PPP2R2C: variants seen among roughly 807,000 people sequenced by gnomAD.
PPP2R2C encodes protein phosphatase 2 regulatory subunit Bgamma.
In PPP2R2C, 10 loss-of-function variants were observed where a neutral mutation model predicts 45.3. The ratio of observed to expected loss-of-function variants is 0.22; its 90% CI spans 0.14 to 0.37. The LOEUF is 0.37. PPP2R2C is among the 10% of genes least tolerant of loss of function. The pLI is 1.00. For synonymous variants in PPP2R2C, 257 were observed against 245.4 expected (o/e 1.05, Z -0.44); for missense variants, 308 against 619.7 (o/e 0.50, Z 5.34).
At chr4:6,365,936 T>C (rs1231180807) in intron 5 of PPP2R2C, among the ~76,000 whole-genome samples, 1 of 152,206 alleles carries the variant, frequency 6.6e-6, no homozygotes, top group African/African-American at 2.4e-5. Flanking sequence ...ACCTTTAAGA[T>C]GCATCAGACT....
At chr4:6,370,084 T>G (rs1714674592) in intron 5 of PPP2R2C, among the ~76,000 whole-genome samples, 1 of 152,082 alleles carries the variant, frequency 6.6e-6, no homozygotes, top group South Asian at 2.1e-4. Context: ...CCCACCCAAG[T>G]CCGGCAGGAA....
Position 6,348,006 on chromosome 4 carries a change from G to A in PPP2R2C, c.630C>T (p.Ile210=), listed in dbSNP as rs756692262. ...HLAITDRSFN[I]VDIKPANMED... Reference sequence around the variant, plus strand: ...CCATGTTGGCCGGCTTGATGTCCACGATGTCTGGGGGCAGTGCGGTCAAGG... The same window carrying A: ...CCATGTTGGCCGGCTTGATGTCCACAATGTCTGGGGGCAGTGCGGTCAAGG... The change falls in exon 6 of 9, where the codon ATC becomes ATT. Residue 210 remains isoleucine, a synonymous_variant. Coordinates refer to ENST00000382599, the MANE Select transcript of PPP2R2C (RefSeq NM_020416.4). 3.4e-5 allele frequency: 55 copies of A among 1,613,688 alleles called. No individual in the cohort carries two copies. In the South Asian group the frequency reaches 3.6e-4, roughly 11 times the overall value.
intron 1 of PPP2R2C, among the ~76,000 whole-genome samples, chr4:6,411,371 G>A (rs1018277345): frequency 6.6e-6 from 1 of 152,056 alleles, no homozygotes. Context: ...CTGATGGCGT[G>A]ACGCTCCCAG....
intron 5 of PPP2R2C, among the ~76,000 whole-genome samples, chr4:6,367,360 G>A (rs1044060746): frequency 9.9e-5 from 15 of 152,058 alleles, no homozygotes; most frequent in Admixed American, 4.6e-4. Flanking sequence ...CAGTGTCATC[G>A]GGCCGAGTGA....
intron 1 of PPP2R2C, among the ~76,000 whole-genome samples, chr4:6,403,438 G>T (rs1199141258): frequency 6.6e-6 from 1 of 152,190 alleles, no homozygotes; most frequent in Non-Finnish European, 1.5e-5. Flanking sequence ...TTCAATCCCA[G>T]CTCTGTTTAC....
intron 1 of PPP2R2C, among the ~76,000 whole-genome samples, chr4:6,395,399 A>G (rs1716952025): frequency 6.6e-6 from 1 of 152,186 alleles, no homozygotes; most frequent in Non-Finnish European, 1.5e-5. Flanking sequence ...GCCCTCCCAG[A>G]CCAGTCTGAC....
intron 1 of PPP2R2C, among the ~76,000 whole-genome samples, chr4:6,420,048 G>C (rs1305174165): frequency 1.3e-5 from 2 of 152,228 alleles, no homozygotes; most frequent in African/African-American, 2.4e-5. Flanking sequence ...ACGCACGACA[G>C]TCTGCAATCC....
chr4:6,546,839 G>A (rs567541315), intron 1 of PPP2R2C, among the ~76,000 whole-genome samples: 2 of 152,330 alleles, frequency 1.3e-5, no homozygotes, highest in Admixed American at 1.3e-4. Flanking sequence ...AGGGCAGGCC[G>A]TGAAGCGGGG....
intron 5 of PPP2R2C, chr4:6,350,903 G>A: frequency 2.0e-6 from 2 of 985,422 alleles, no homozygotes; most frequent in Non-Finnish European, 2.4e-6. Context: ...AGGCCTTGGA[G>A]ACCTTCAGGT....
chr4:6,550,631 G>A (rs1725154773), intron 1 of PPP2R2C, among the ~76,000 whole-genome samples: 1 of 152,144 alleles, frequency 6.6e-6, no homozygotes, highest in Admixed American at 6.5e-5. Context: ...AGCATCTTAG[G>A]GGGACACTCT....
intron 1 of PPP2R2C, among the ~76,000 whole-genome samples, chr4:6,389,012 C>A (rs1268947664): frequency 6.6e-6 from 1 of 152,008 alleles, no homozygotes; most frequent in Admixed American, 6.5e-5. Flanking sequence ...GGGGAGACAT[C>A]GCCCTTGGAT....
At chr4:6,548,959 G>A (rs776761759) in intron 1 of PPP2R2C, among the ~76,000 whole-genome samples, 14 of 152,192 alleles carry the variant, frequency 9.2e-5, no homozygotes, top group Non-Finnish European at 8.8e-5. Context: ...CCTCTTAGCA[G>A]TACTGTCACC....
At chr4:6,533,717 G>A (rs1297049546) in intron 2 of PPP2R2C, among the ~76,000 whole-genome samples, 1 of 152,050 alleles carries the variant, frequency 6.6e-6, no homozygotes, top group African/African-American at 2.4e-5. Flanking sequence ...AACCCAAGAT[G>A]GCAGCACGTT....
At chr4:6,339,508 C>T (rs1248516930) in intron 6 of PPP2R2C, among the ~76,000 whole-genome samples, 1 of 152,280 alleles carries the variant, frequency 6.6e-6, no homozygotes, top group Non-Finnish European at 1.5e-5. Context: ...GGCACTTGCT[C>T]TGTGGCCCTC....
chr4:6,449,874 G>C (rs1720643416), intron 1 of PPP2R2C, among the ~76,000 whole-genome samples: 1 of 152,240 alleles, frequency 6.6e-6, no homozygotes, highest in Non-Finnish European at 1.5e-5. Context: ...TCCCAGAGGA[G>C]GCTTCAAAAC....
intron 5 of PPP2R2C, among the ~76,000 whole-genome samples, chr4:6,358,568 T>C (rs924548166): frequency 6.9e-6 from 1 of 145,712 alleles, no homozygotes; most frequent in African/African-American, 2.5e-5. Flanking sequence ...ACCTACGGAA[T>C]GGGAGAAAAT....
At chr4:6,537,562 T>G (rs905798283) in intron 1 of PPP2R2C, among the ~76,000 whole-genome samples, 2 of 151,630 alleles carry the variant, frequency 1.3e-5, no homozygotes, top group Admixed American at 6.6e-5. Context: ...TTTTTTTTTT[T>G]TTTTTGGAGA....
intron 3 of PPP2R2C, among the ~76,000 whole-genome samples, chr4:6,377,636 G>A (rs534652951): frequency 2.6e-5 from 4 of 152,096 alleles, no homozygotes; most frequent in African/African-American, 9.7e-5. Context: ...CCCAGCCTGG[G>A]TGACAGAGCA....
At chr4:6,430,965 C>G (rs1719584621) in intron 1 of PPP2R2C, among the ~76,000 whole-genome samples, 1 of 152,158 alleles carries the variant, frequency 6.6e-6, no homozygotes, top group African/African-American at 2.4e-5. Flanking sequence ...CTTTGCAGAT[C>G]CCTGATCCTG....
Sources: allele counts gnomAD v4.1 joint callset (sites outside exome capture counted in the v4.1 genomes callset), GRCh38; gene constraint gnomAD v4.1.1; transcripts MANE v1.5; gene names NCBI Gene and HGNC (gene_info 2026-07-23, HGNC 2026-07-21).